Variants in TJP3 observed in about 807,000 individuals in gnomAD.
The protein encoded by TJP3 is tight junction protein 3.
In TJP3, 85 loss-of-function variants were observed where a neutral mutation model predicts 104.2. The observed-to-expected ratio is 0.82, with a 90% CI of 0.68 to 0.98. The LOEUF (loss-of-function observed/expected upper bound fraction) is 0.98. TJP3 is among the 50% of genes least tolerant of loss of function. The probability of loss-of-function intolerance (pLI) is 0.00; values close to 1 mark genes in which losing one functional copy is unlikely to be tolerated. For missense variants in TJP3, 1,367 were observed against 1,322.8 expected (o/e 1.03, Z -0.52); for synonymous variants, 550 against 550.6 (o/e 1.00, Z 0.02).
Position 3,746,291 on chromosome 19 carries a change from G to A in TJP3, c.2011-194G>A, listed in dbSNP as rs1316936620. On this transcript the variant is annotated intron_variant, in intron 16 of 20. Coordinates refer to ENST00000541714, the MANE Select transcript of TJP3 (RefSeq NM_001267560.2). The surrounding 1 kb of genome is among the most constrained non-coding windows in gnomAD (Gnocchi z 4.1). ...GCAGCCAGCCCTGGGCAAAGGCAGA[G>A]AGACTCAAGTTGAGGTTTTGATGCC... Among the ~76,000 whole-genome samples the A allele has an allele frequency of 6.6e-6, 1 of 152,156 alleles. No individual in the cohort carries two copies. The highest frequency in any genetic ancestry group is 1.5e-5 in the Non-Finnish European group (1 of 68,026).
In TJP3 at chr19:3,735,586, G is replaced by A. The variant is rs750682003; in HGVS notation, c.1007G>A (p.Arg336Gln). 9.9e-6 allele frequency: 16 copies of A among 1,614,146 alleles called. No homozygotes were observed. The highest frequency in any genetic ancestry group is 2.2e-5 in the South Asian group (2 of 91,074). ...DSPVESPRLRRESSVDSRTIS... is the reference protein window; with the variant it reads ...DSPVESPRLRQESSVDSRTIS... Reference sequence around the variant, plus strand: ...ACCAGGGAGAGTCCCCGGCTTCGGCGGGAAAGTTCAGTAGATTCCAGAACC... The same window carrying A: ...ACCAGGGAGAGTCCCCGGCTTCGGCAGGAAAGTTCAGTAGATTCCAGAACC... Residue 336 changes from arginine to glutamine, a missense_variant, in exon 9 of 21, where the codon CGG (arginine) becomes CAG (glutamine). Arg to Gln is a conservative substitution (Grantham distance 43, BLOSUM62 1). Coordinates refer to ENST00000541714, the MANE Select transcript of TJP3 (RefSeq NM_001267560.2).
rs550245724 is a variant in TJP3, at chr19:3,718,009, T to A, written c.-10+9448T>A. Among the ~76,000 whole-genome samples, 51 of 149,244 alleles carry A rather than the reference T, an allele frequency of 3.4e-4. 1 individual carries two copies. Among genetic ancestry groups the A allele is most frequent in the South Asian group, 1.1e-3 (5 of 4,702 alleles). ...GGGGGGCGGATCACAAGGTCAGGAG[T>A]TTGAGACCATCCTGGCTAACACGGT... On this transcript the variant is annotated intron_variant, in intron 1 of 20. Coordinates refer to ENST00000541714, the MANE Select transcript of TJP3 (RefSeq NM_001267560.2).
At chr19:3,723,472 A>T (rs1303453398) in intron 1 of TJP3, among the ~76,000 whole-genome samples, 5 of 152,108 alleles carry the variant, frequency 3.3e-5, no homozygotes, top group African/African-American at 1.2e-4. Context: ...GAGAATAAAG[A>T]TGATTTTTAG....
At chr19:3,734,181 C>T (rs2036707396) in intron 7 of TJP3, 146 bp from the exon 8 acceptor site, 1 of 967,298 alleles carries the variant, frequency 1.0e-6, no homozygotes, top group Non-Finnish European at 1.5e-6. Context: ...GCCACCGTGC[C>T]CAGCTCCAGA....
intron 19 of TJP3, 51 bp from the exon 20 acceptor site, chr19:3,750,087 T>G (rs2036970064): frequency 6.2e-7 from 1 of 1,612,862 alleles, no homozygotes; most frequent in South Asian, 1.1e-5. Context: ...TGATCTCGAC[T>G]CACCATGCTC....
chr19:3,722,213 G>C (rs573359509), intron 1 of TJP3, among the ~76,000 whole-genome samples: 47 of 152,314 alleles, frequency 3.1e-4, no homozygotes, highest in African/African-American at 1.1e-3. Context: ...CCACTATGCT[G>C]TGTGTAACGT....
chr19:3,745,740 CTGT>C (rs1199275632), intron 15 of TJP3, among the ~76,000 whole-genome samples: 1 of 152,222 alleles, frequency 6.6e-6, no homozygotes, highest in Non-Finnish European at 1.5e-5. Flanking sequence ...AGCAAGTGGC[CTGT>C]TGTCTCTGAG....
chr19:3,726,885 A>C (rs2036601921), intron 1 of TJP3, among the ~76,000 whole-genome samples: 1 of 151,576 alleles, frequency 6.6e-6, no homozygotes, highest in East Asian at 2.0e-4. Flanking sequence ...TAGGAGTTTG[A>C]GACCAGCCTT....
chr19:3,743,610 C>T, intron 14 of TJP3: 1 of 240,196 alleles, frequency 4.2e-6, no homozygotes, highest in Non-Finnish European at 8.1e-6. Context: ...AGTCTGCTGA[C>T]CTATGAGTTA....
At chr19:3,750,480 T>A in intron 20 of TJP3, 102 bp from the exon 21 acceptor site, 2 of 1,022,418 alleles carry the variant, frequency 2.0e-6, no homozygotes, top group Non-Finnish European at 2.9e-6. Context: ...TGTGCTTATC[T>A]CTGCCCACAC....
intron 1 of TJP3, among the ~76,000 whole-genome samples, chr19:3,717,811 G>A (rs1339644051): frequency 2.0e-5 from 3 of 151,614 alleles, no homozygotes; most frequent in African/African-American, 7.3e-5. Context: ...GTACAGTGGT[G>A]TGACCATGAC....
chr19:3,722,494 C>T (rs949854350), intron 1 of TJP3, among the ~76,000 whole-genome samples: 20 of 145,686 alleles, frequency 1.4e-4, no homozygotes, highest in Admixed American at 1.2e-3. Context: ...TATTGGGTGC[C>T]TACTGTGTAC....
chr19:3,721,782 C>T (rs565531817), intron 1 of TJP3: 267 of 531,132 alleles, frequency 5.0e-4, no homozygotes, highest in African/African-American at 5.0e-3. Context: ...GAGCCCGGCC[C>T]TCAGCCCGCT....
Position 3,735,587 on chromosome 19 carries a change from G to T in TJP3, c.1008G>T (p.Arg336=), listed in dbSNP as rs778314521. Residue 336 remains arginine (R), a synonymous_variant, in exon 9 of 21, where the codon CGG becomes CGT. Coordinates refer to ENST00000541714, the MANE Select transcript of TJP3 (RefSeq NM_001267560.2). ...CCAGGGAGAGTCCCCGGCTTCGGCG[G>T]GAAAGTTCAGTAGATTCCAGAACCA... The part of the protein sequence containing the change: ...DSPVESPRLR[R]ESSVDSRTIS... 57 of 1,614,094 alleles carry T rather than the reference G, an allele frequency of 3.5e-5. No homozygotes were observed. Among genetic ancestry groups the T allele is most frequent in the Non-Finnish European group, 4.7e-5 (55 of 1,180,064 alleles).
At chr19:3,747,004 ATGGGACC>A (rs1415632016) in intron 18 of TJP3, 128 bp downstream of exon 18, 3 of 844,214 alleles carry the variant, frequency 3.6e-6, no homozygotes, top group Non-Finnish European at 5.6e-6. Context: ...CAGAGTCAAG[ATGGGACC>A]TGAGACAAGG....
At position 3,722,858 on chromosome 19, in the gene TJP3, G is replaced by GGGC. The variant is rs1428265258; in HGVS notation, c.-9-5564_-9-5563insCGG. 2.4e-5 allele frequency among the ~76,000 whole-genome samples: 3 copies of GGGC among 127,562 alleles called. 1 individual carries two copies. The highest frequency in any genetic ancestry group is 4.9e-4 in the East Asian group (2 of 4,114). 83.7% of individuals were successfully genotyped at this position (127,562 alleles called of 152,430 possible). On this transcript the variant is annotated intron_variant, in intron 1 of 20. Coordinates refer to ENST00000541714, the MANE Select transcript of TJP3 (RefSeq NM_001267560.2). The stretch of plus-strand genomic sequence containing the variant: ...CATTGTTCCTGGAGATGGGGTGGCG[G>GGGC]GGGGGGGGGGCACAGGGGACGGCGG...
chr19:3,750,431 A>G (rs1041381431), intron 20 of TJP3, 151 bp from the exon 21 acceptor site: 39 of 777,940 alleles, frequency 5.0e-5, no homozygotes, highest in Non-Finnish European at 7.1e-5. Flanking sequence ...AGGGATGCAT[A>G]GGAGTTTGTT....
intron 1 of TJP3, among the ~76,000 whole-genome samples, chr19:3,715,372 A>T (rs1480217168): frequency 6.6e-6 from 1 of 152,082 alleles, no homozygotes; most frequent in Non-Finnish European, 1.5e-5. Context: ...TACAGGTGTG[A>T]GCCACCGCGC....
rs368301780 is a variant in TJP3 at position 3,739,144 on chromosome 19, G to T, written c.1631+10G>T. ...TTCCCAACCAGAGCAGGTGGGGACT[G>T]TGTGCTCCTGCAGTGGGGCACTTCT... On this transcript the variant is annotated intron_variant, in intron 13 of 20. Coordinates refer to ENST00000541714, the MANE Select transcript of TJP3 (RefSeq NM_001267560.2). 4 of 1,520,006 alleles carry T rather than the reference G, an allele frequency of 2.6e-6. No individual in the cohort carries two copies. Among genetic ancestry groups the T allele is most frequent in the African/African-American group, 1.4e-5 (1 of 72,898 alleles). 94.2% of individuals were successfully genotyped at this position (1,520,006 alleles called of 1,614,324 possible). A position where few individuals can be genotyped will look rare whatever the true frequency, so the allele number is the denominator to read the frequency against.
Sources: allele counts gnomAD v4.1 joint callset (sites outside exome capture counted in the v4.1 genomes callset), GRCh38; gene constraint gnomAD v4.1.1; non-coding constraint Gnocchi (gnomAD v3.1); transcripts MANE v1.5; gene names NCBI Gene and HGNC (gene_info 2026-07-23, HGNC 2026-07-21).